The following PTPRD variants were observed in gnomAD, a reference collection of about 807,000 sequenced individuals.
PTPRD encodes the protein receptor-type tyrosine-protein phosphatase delta.
In PTPRD, 34 loss-of-function variants were observed where a neutral mutation model predicts 214.5. The ratio of observed to expected loss-of-function variants is 0.16; its 90% CI spans 0.12 to 0.21. The LOEUF (loss-of-function observed/expected upper bound fraction) is 0.21, where lower values mean the gene tolerates loss of function less well. PTPRD is among the 10% of genes least tolerant of loss of function. The pLI is 1.00. For missense variants in PTPRD, 2,545 were observed against 2,398.7 expected (o/e 1.06, Z -1.27); for synonymous variants, 1,128 against 845.7 (o/e 1.33, Z -5.79).
chr9:9,924,908 CCTAG>C (rs2083742770), intron 5 of PTPRD, among the ~76,000 whole-genome samples: 3 of 152,056 alleles, frequency 2.0e-5, no homozygotes, highest in Non-Finnish European at 4.4e-5. Flanking sequence ...GCTTTCAACT[CCTAG>C]CTAGAGTGCA....
intron 9 of PTPRD, among the ~76,000 whole-genome samples, chr9:9,296,368 G>T (rs1953043312): frequency 6.6e-6 from 1 of 151,706 alleles, no homozygotes; most frequent in African/African-American, 2.4e-5. Flanking sequence ...TAAGAAGTAA[G>T]TTCAGAGGGA....
At chr9:8,627,040 C>T (rs2096065606) in intron 14 of PTPRD, among the ~76,000 whole-genome samples, 1 of 151,790 alleles carries the variant, frequency 6.6e-6, no homozygotes, top group African/African-American at 2.4e-5. Flanking sequence ...ACTCCTCTCT[C>T]AAGTTAGCTC....
chr9:8,663,650 C>T (rs533059167), intron 12 of PTPRD, among the ~76,000 whole-genome samples: 1 of 152,060 alleles, frequency 6.6e-6, no homozygotes, highest in Non-Finnish European at 1.5e-5. Flanking sequence ...TACCACCACA[C>T]CCGGCTAATT....
intron 4 of PTPRD, among the ~76,000 whole-genome samples, chr9:9,955,001 A>G (rs988118827): frequency 5.3e-5 from 8 of 152,190 alleles, no homozygotes; most frequent in Non-Finnish European, 1.0e-4. Flanking sequence ...GAAATGTTAA[A>G]GGCCTCCCAC....
At chr9:8,444,900 T>C (rs1316123823) in intron 34 of PTPRD, among the ~76,000 whole-genome samples, 1 of 152,204 alleles carries the variant, frequency 6.6e-6, no homozygotes, top group Non-Finnish European at 1.5e-5. Context: ...TCACCCATCC[T>C]AGTGCGCACC....
At chr9:10,310,007 T>C (rs904583245) in intron 3 of PTPRD, among the ~76,000 whole-genome samples, 8 of 152,080 alleles carry the variant, frequency 5.3e-5, no homozygotes, top group Non-Finnish European at 1.2e-4. Flanking sequence ...CTTTTTGAGA[T>C]AACTGGAGAT....
At chr9:10,583,007 C>T (rs935330417) in intron 2 of PTPRD, among the ~76,000 whole-genome samples, 6 of 152,092 alleles carry the variant, frequency 3.9e-5, no homozygotes, top group African/African-American at 1.4e-4. Flanking sequence ...CTATATTAGG[C>T]TAATCTATAA....
intron 9 of PTPRD, among the ~76,000 whole-genome samples, chr9:9,348,096 A>C (rs2137904921): frequency 6.6e-6 from 1 of 152,274 alleles, no homozygotes; most frequent in Middle Eastern, 3.4e-3. Context: ...TTGATTGAAT[A>C]GGTTGCTAAT....
At chr9:10,497,606 G>A (rs1265405815) in intron 2 of PTPRD, among the ~76,000 whole-genome samples, 2 of 151,942 alleles carry the variant, frequency 1.3e-5, no homozygotes, top group African/African-American at 2.4e-5. Flanking sequence ...GTTTTATGGT[G>A]CAAGGATTAA....
rs535081112 is a variant in PTPRD, at chr9:9,076,157, T to C, written c.-142-57422A>G. 2.4e-4 allele frequency among the ~76,000 whole-genome samples: 37 copies of C among 152,252 alleles called. 1 individual carries two copies. The highest frequency in any genetic ancestry group is 3.9e-4 in the Admixed American group (6 of 15,286). Reference sequence around the variant, plus strand: ...GGTCTTGATTTGAATTTCTCTGATGTCCAGTGATGATGAGCATTTTTTCAT... The same window carrying C: ...GGTCTTGATTTGAATTTCTCTGATGCCCAGTGATGATGAGCATTTTTTCAT... On this transcript the variant is annotated intron_variant, in intron 10 of 45. Transcript: ENST00000381196.
rs1272333111 is a variant in PTPRD, at chr9:8,460,507, A to T, written c.3779T>A (p.Ile1260Asn). The T allele has an allele frequency of 6.2e-7, 1 of 1,613,518 alleles. No homozygotes were observed. Among genetic ancestry groups the T allele is most frequent in the Non-Finnish European group, 8.5e-7 (1 of 1,179,640 alleles). Residue 1260 changes from isoleucine (I) to asparagine (N), a missense_variant, in exon 33 of 46, where the codon ATC (isoleucine) becomes AAC (asparagine). Physicochemically the swap from Ile to Asn is moderately radical, Grantham distance 149. Transcript: ENST00000381196. The stretch of plus-strand genomic sequence containing the variant: ...GATCAAGCCTTCTTCTTCATCCGTG[A>T]TTGGCTGCGGATCCAGATCCATTGA... ...VVSMDLDPQP[I>N]TDEEEGLIWV...
At chr9:9,578,439 A>T (rs773487911) in intron 7 of PTPRD, among the ~76,000 whole-genome samples, 1 of 152,126 alleles carries the variant, frequency 6.6e-6, no homozygotes. Flanking sequence ...ATTAGAGTGC[A>T]TTACTTCCTC....
In PTPRD at chr9:9,382,265, C is replaced by T. The variant is rs148642507; in HGVS notation, c.-203+15184G>A. On this transcript the variant is annotated intron_variant, in intron 9 of 45. Transcript: ENST00000381196. The stretch of plus-strand genomic sequence containing the variant: ...ACTTTGCTAAATTCATACATTAGTT[C>T]TGATAGTTTTAGGGGAAAAACTTCT... Among the ~76,000 whole-genome samples, 492 of 151,938 alleles carry T rather than the reference C, an allele frequency of 3.2e-3. 1 individual carries two copies. The highest frequency in any genetic ancestry group is 0.011 in the African/African-American group (458 of 41,458).
chr9:8,698,760 A>C lies in PTPRD; in HGVS notation c.64+35020T>G, dbSNP rs577480941. On this transcript the variant is annotated intron_variant, in intron 12 of 45. Transcript: ENST00000381196. ...AATACAGAAATCGCCTTTTCGCAGG[A>C]AACTAGATAGCTTGTTACCAATCTG... 3.3e-5 allele frequency among the ~76,000 whole-genome samples: 5 copies of C among 152,284 alleles called. No individual in the cohort carries two copies. In the East Asian group the frequency reaches 9.6e-4, roughly 29 times the overall value.
intron 11 of PTPRD, among the ~76,000 whole-genome samples, chr9:9,006,905 G>A (rs2154359167): frequency 6.6e-6 from 1 of 152,020 alleles, no homozygotes; most frequent in African/African-American, 2.4e-5. Flanking sequence ...ATTTAATACA[G>A]CTAGATAAAT....
intron 5 of PTPRD, among the ~76,000 whole-genome samples, chr9:9,912,598 C>A (rs974756826): frequency 1.4e-4 from 21 of 152,128 alleles, no homozygotes; most frequent in Non-Finnish European, 2.4e-4. Context: ...TAAATGGTAT[C>A]GTTGGCAATC....
At chr9:9,168,053 A>T (rs1004746542) in intron 10 of PTPRD, among the ~76,000 whole-genome samples, 44 of 152,128 alleles carry the variant, frequency 2.9e-4, no homozygotes, top group African/African-American at 2.4e-5. Context: ...GGTTTGGCAA[A>T]CTACCGCCCA....
intron 2 of PTPRD, among the ~76,000 whole-genome samples, chr9:10,559,196 A>C (rs1345640850): frequency 1.3e-5 from 2 of 152,118 alleles, no homozygotes; most frequent in African/African-American, 4.8e-5. Flanking sequence ...GATCTGATGG[A>C]AAAACCTATC....
At chr9:8,592,435 T>C (rs545828558) in intron 14 of PTPRD, among the ~76,000 whole-genome samples, 46 of 152,306 alleles carry the variant, frequency 3.0e-4, no homozygotes, top group Middle Eastern at 3.4e-3. Flanking sequence ...GAGTAACTGC[T>C]TGCCACTGAC....
Sources: allele counts gnomAD v4.1 joint callset (sites outside exome capture counted in the v4.1 genomes callset), GRCh38; gene constraint gnomAD v4.1.1; transcripts MANE v1.5; gene names NCBI Gene and HGNC (gene_info 2026-07-23, HGNC 2026-07-21).